DENND2B: variants seen among roughly 807,000 people sequenced by gnomAD.
DENND2B encodes DENN domain containing 2B, also known as DENN domain-containing protein 2B.
Under a neutral mutation model 116.0 loss-of-function variants are expected in DENND2B, and 32 were observed. The observed-to-expected ratio is 0.28, with a 90% CI of 0.21 to 0.37. DENND2B has a LOEUF of 0.37. Ranked by LOEUF, DENND2B falls within the 10% of genes least tolerant of loss-of-function variation. The probability of loss-of-function intolerance (pLI) is 1.00; values close to 1 mark genes in which losing one functional copy is unlikely to be tolerated. For synonymous variants in DENND2B, 588 were observed against 583.9 expected, an observed-to-expected ratio of 1.01 and a Z score of -0.10; for missense variants, 1,276 against 1,477.7, an observed-to-expected ratio of 0.86 and a Z score of 2.24.
intron 3 of DENND2B, among the ~76,000 whole-genome samples, chr11:8,852,680 C>T (rs1332204893): frequency 6.6e-6 from 1 of 152,176 alleles, no homozygotes; most frequent in Non-Finnish European, 1.5e-5. Flanking sequence ...AATTTGCGTA[C>T]TTTACTGTGT....
Position 8,715,494 on chromosome 11 carries a change from A to G in DENND2B, c.1845+109T>C, listed in dbSNP as rs1221485874. 5 of 1,105,406 alleles carry G rather than the reference A, an allele frequency of 4.5e-6. No homozygotes were observed. In the African/African-American group the frequency reaches 7.8e-5, roughly 17 times the overall value. The allele number at this position is 1,105,406 out of a possible 1,614,324, so 68.5% of individuals were successfully genotyped here. A position where few individuals can be genotyped will look rare whatever the true frequency, so the allele number is the denominator to read the frequency against. On this transcript the variant is annotated intron_variant, in intron 6 of 19. Coordinates refer to ENST00000313726, the MANE Select transcript of DENND2B (RefSeq NM_213618.2). ...CCCAGAATTTATTCAAAGGGAATCGAGGAAGCAGTCCAGATTAGGGAAGGA... is the reference window on the plus strand; with the variant it reads ...CCCAGAATTTATTCAAAGGGAATCGGGGAAGCAGTCCAGATTAGGGAAGGA...
rs776205843 is a variant in DENND2B at position 8,731,077 on chromosome 11, G to A, written c.213C>T (p.His71=). ...SSSRVLLKDR[H]PPAPSPQNPQ... is the part of the protein sequence containing the mutation. ...GATTCTGGGGTGAAGGAGCTGGGGG[G>A]TGCCGGTCCTTGAGGAGCACCCGGG... The change falls in exon 3 of 20, where the codon CAC becomes CAT. Residue 71 remains histidine, a synonymous_variant. Transcript: ENST00000313726. 3.1e-6 allele frequency: 5 copies of A among 1,613,082 alleles called. No homozygotes were observed. The highest frequency in any genetic ancestry group is 2.2e-5 in the South Asian group (2 of 91,034).
chr11:8,787,673 A>C (rs2059035753), intron 1 of DENND2B, among the ~76,000 whole-genome samples: 1 of 152,224 alleles, frequency 6.6e-6, no homozygotes, highest in Admixed American at 6.5e-5. Flanking sequence ...GTCCATGGGC[A>C]CAGACTCCTG....
At chr11:8,791,818 A>G (rs1256521445) in intron 1 of DENND2B, among the ~76,000 whole-genome samples, 1 of 152,064 alleles carries the variant, frequency 6.6e-6, no homozygotes, top group Non-Finnish European at 1.5e-5. Flanking sequence ...TTTAATTGTT[A>G]TGGTACATCC....
chr11:8,735,491 G>T (rs1302148881), intron 2 of DENND2B, among the ~76,000 whole-genome samples: 1 of 152,228 alleles, frequency 6.6e-6, no homozygotes, highest in Admixed American at 6.5e-5. Context: ...TTTGCTCCAC[G>T]GCAGCAGTAA....
intron 3 of DENND2B, among the ~76,000 whole-genome samples, chr11:8,853,967 G>C (rs1424828644): frequency 7.0e-6 from 1 of 143,826 alleles, no homozygotes; most frequent in South Asian, 2.3e-4. Context: ...TCCCCCCTCA[G>C]CCTCCTAAAG....
chr11:8,726,204 G>A lies in DENND2B; in HGVS notation c.1346C>T (p.Ser449Phe). Residue 449 changes from serine to phenylalanine, a missense_variant, in exon 4 of 20, where the codon TCC becomes TTC. Transcript: ENST00000313726. ...RGHRKSQSRK[S>F]FEFEDASSLQ... ...ACTGGATGCATCCTCAAACTCAAAG[G>A]ATTTTCTGTGGATAACAAGAGCAAG... The A allele has an allele frequency of 6.2e-7, 1 of 1,607,922 alleles. No homozygotes were observed. Among genetic ancestry groups the A allele is most frequent in the Non-Finnish European group, 8.5e-7 (1 of 1,177,280 alleles).
intron 2 of DENND2B, among the ~76,000 whole-genome samples, chr11:8,743,210 C>A (rs180842419): frequency 2.0e-5 from 3 of 152,136 alleles, no homozygotes; most frequent in Admixed American, 1.3e-4. Flanking sequence ...CTCAATAAAT[C>A]TGTTTAAAAA....
intron 1 of DENND2B, among the ~76,000 whole-genome samples, chr11:8,759,933 C>G (rs188224613): frequency 1.3e-3 from 191 of 152,312 alleles, no homozygotes; most frequent in African/African-American, 4.4e-3. Flanking sequence ...TCAGGATGAT[C>G]CTTCTCCGCA....
intron 17 of DENND2B, 57 bp downstream of exon 17, chr11:8,697,468 G>T: frequency 7.0e-7 from 1 of 1,419,948 alleles, no homozygotes; most frequent in South Asian, 1.1e-5. Flanking sequence ...ATGGGGCCCT[G>T]ACCCAGAGCA....
intron 1 of DENND2B, among the ~76,000 whole-genome samples, chr11:8,904,240 C>T (rs1160360278): frequency 2.0e-5 from 3 of 151,940 alleles, no homozygotes; most frequent in Non-Finnish European, 4.4e-5. Context: ...AAAATCAATT[C>T]ATTCAACACA....
At chr11:8,800,430 T>C (rs532306280) in intron 1 of DENND2B, among the ~76,000 whole-genome samples, 1 of 152,300 alleles carries the variant, frequency 6.6e-6, no homozygotes, top group East Asian at 1.9e-4. Flanking sequence ...TTCTCCTGGT[T>C]CTACAAGGAG....
In DENND2B at chr11:8,693,983, G is replaced by T. The variant is rs764785585; in HGVS notation, c.*113C>A. 2.8e-5 allele frequency: 32 copies of T among 1,131,196 alleles called. No individual in the cohort carries two copies. Among genetic ancestry groups the T allele is most frequent in the Non-Finnish European group, 3.8e-5 (29 of 771,470 alleles). 70.1% of individuals were successfully genotyped at this position (1,131,196 alleles called of 1,614,324 possible). A position where few individuals can be genotyped will look rare whatever the true frequency, so the allele number is the denominator to read the frequency against. On this transcript the variant is annotated 3_prime_UTR_variant, in exon 20 of 20. Coordinates refer to ENST00000313726, the MANE Select transcript of DENND2B (RefSeq NM_213618.2). ...AAGGCAGAGGTGGGCTGGCTTGGAG[G>T]ATAGGATCTGTGGGGGCAGAGGAGC...
At chr11:8,744,051 G>A (rs1175393845) in intron 2 of DENND2B, among the ~76,000 whole-genome samples, 1 of 151,802 alleles carries the variant, frequency 6.6e-6, no homozygotes, top group Non-Finnish European at 1.5e-5. Flanking sequence ...ACCTGGCCAA[G>A]GGGCTTATCT....
intron 1 of DENND2B, among the ~76,000 whole-genome samples, chr11:8,764,526 C>G (rs1207987655): frequency 6.6e-6 from 1 of 152,186 alleles, no homozygotes; most frequent in African/African-American, 2.4e-5. Flanking sequence ...GTTTCATAAG[C>G]AGCAGACCCC....
intron 2 of DENND2B, among the ~76,000 whole-genome samples, chr11:8,857,830 C>G (rs531510731): frequency 6.6e-6 from 1 of 152,200 alleles, no homozygotes. Context: ...AGTTTCCTGT[C>G]TATAAACAGA....
chr11:8,811,506 T>C, upstream of DENND2B: 2 of 390,984 alleles, frequency 5.1e-6, no homozygotes, highest in East Asian at 3.6e-5. Flanking sequence ...CAGTCGGTAA[T>C]AATATTGCTC....
intron 1 of DENND2B, among the ~76,000 whole-genome samples, chr11:8,758,177 G>C (rs1176523391): frequency 6.6e-6 from 1 of 152,164 alleles, no homozygotes; most frequent in Admixed American, 6.5e-5. Flanking sequence ...GTGTCCCACA[G>C]CATGTTCTCT....
At chr11:8,737,951 G>A (rs1430778469) in intron 2 of DENND2B, among the ~76,000 whole-genome samples, 1 of 148,588 alleles carries the variant, frequency 6.7e-6, no homozygotes, top group Non-Finnish European at 1.5e-5. Context: ...GTCTCACTAT[G>A]TTGCCCAGAT....
Sources: gnomAD v4.1 joint callset for allele counts (sites outside exome capture counted in the v4.1 genomes callset) on GRCh38, gnomAD v4.1.1 for gene constraint, MANE v1.5 for transcripts, NCBI Gene and HGNC (gene_info 2026-07-23, HGNC 2026-07-21) for gene names.